Variants in ZFP36L1 observed in about 807,000 individuals in gnomAD.
ZFP36L1 encodes the protein mRNA decay activator protein ZFP36L1.
ZFP36L1 carries 4 observed loss-of-function variants against 16.7 expected under a neutral mutation model. That is an observed-to-expected ratio of 0.24 (90% CI 0.12 to 0.55). ZFP36L1 has a LOEUF of 0.55. Ranked by LOEUF, ZFP36L1 falls within the 20% of genes least tolerant of loss-of-function variation. The pLI, the probability that ZFP36L1 is intolerant of heterozygous loss-of-function variation, is 0.94. For missense variants in ZFP36L1, 311 were observed against 449.2 expected, an observed-to-expected ratio of 0.69 and a Z score of 2.78; for synonymous variants, 220 against 190.8, an observed-to-expected ratio of 1.15 and a Z score of -1.26.
upstream of ZFP36L1, chr14:68,795,894 G>T (rs1895240715): frequency 6.2e-6 from 5 of 803,542 alleles, no homozygotes; most frequent in Non-Finnish European, 9.9e-6. Flanking sequence ...GGGCCCGAGG[G>T]CGGGAGCCGA....
At chr14:68,792,630 C>G (rs1895123704) in intron 1 of ZFP36L1, among the ~76,000 whole-genome samples, 3 of 152,234 alleles carry the variant, frequency 2.0e-5, no homozygotes, top group Admixed American at 1.3e-4. Flanking sequence ...GGCTGCCCTG[C>G]CAGGCAAACT....
chr14:68,789,381 A>C lies in ZFP36L1; in HGVS notation c.*152T>G. The C allele has an allele frequency of 8.7e-7, 1 of 1,145,830 alleles. No individual in the cohort carries two copies. Among genetic ancestry groups the C allele is most frequent in the Non-Finnish European group, 1.2e-6 (1 of 817,582 alleles). The allele number at this position is 1,145,830 out of a possible 1,614,324, so 71.0% of individuals were successfully genotyped here. A position where few individuals can be genotyped will look rare whatever the true frequency, so the allele number is the denominator to read the frequency against. ...AGGTGGGGTTATGAGGGGGAGAGGG[A>C]GGGCACATTCTGAGGTGCTGGGGGA... On this transcript the variant is annotated 3_prime_UTR_variant, in exon 2 of 2. Transcript: ENST00000439696. This position sits in a 1 kb window ranked among gnomAD's most constrained non-coding sequence, Gnocchi z 4.5.
intron 1 of ZFP36L1, among the ~76,000 whole-genome samples, chr14:68,790,826 A>G (rs931807680): frequency 1.3e-5 from 2 of 152,042 alleles, no homozygotes; most frequent in African/African-American, 4.8e-5. Context: ...TCAACTCAAA[A>G]TATCTCACAC....
In ZFP36L1 at chr14:68,789,869, G is replaced by A. The variant is rs755097253; in HGVS notation, c.681C>T (p.Thr227=). 16 of 1,610,522 alleles carry A rather than the reference G, an allele frequency of 9.9e-6. No individual in the cohort carries two copies. The highest frequency in any genetic ancestry group is 1.4e-5 in the Non-Finnish European group (16 of 1,180,004). Residue 227 remains threonine, a synonymous_variant, in exon 2 of 2, where the codon ACC becomes ACT. Transcript: ENST00000439696. This position sits in a 1 kb window ranked among gnomAD's most constrained non-coding sequence, Gnocchi z 4.5. The stretch of plus-strand genomic sequence containing the variant: ...CATCGGCGCTCAGAATAGGGGGTGG[G>A]GTGATGGACGTGGGGCTGTCCAGCA... ...TGLLDSPTSI[T]PPPILSADDL...
upstream of ZFP36L1, chr14:68,795,836 G>A (rs1445432714): frequency 9.2e-6 from 5 of 541,548 alleles, no homozygotes; most frequent in Non-Finnish European, 1.5e-5. Flanking sequence ...CGAGAGGAGG[G>A]AGCGAGTCCC....
intron 1 of ZFP36L1, chr14:68,790,924 GCTAC>G: frequency 1.7e-6 from 1 of 603,930 alleles, no homozygotes; most frequent in Non-Finnish European, 3.0e-6. Context: ...TCTATCATAG[GCTAC>G]GTTAGGTCCC....
upstream of ZFP36L1, chr14:68,793,131 C>T: frequency 3.2e-6 from 4 of 1,259,008 alleles, no homozygotes; most frequent in South Asian, 1.4e-5. Context: ...GGAGGAGGAG[C>T]TTTAAACTTA....
intron 1 of ZFP36L1, chr14:68,791,199 C>A: frequency 1.7e-6 from 1 of 586,010 alleles, no homozygotes; most frequent in Non-Finnish European, 3.1e-6. Flanking sequence ...TCCACTCAGC[C>A]CTAGCCCACC....
At chr14:68,794,900 T>TC (rs1895207806), upstream of ZFP36L1, among the ~76,000 whole-genome samples, 2 of 152,312 alleles carry the variant, frequency 1.3e-5, no homozygotes, top group South Asian at 4.1e-4. Flanking sequence ...GGGTCGGCTT[T>TC]CATTTGTCTC....
rs202040968 is a variant in ZFP36L1 at position 68,789,746 on chromosome 14, C to T, written c.804G>A (p.Leu268=). 2 of 1,614,060 alleles carry T rather than the reference C, an allele frequency of 1.2e-6. No homozygotes were observed. Among genetic ancestry groups the T allele is most frequent in the African/African-American group, 1.3e-5 (1 of 75,030 alleles). The stretch of plus-strand genomic sequence containing the variant: ...AGGTGGTCGGGGAGCCACCCCCGGG[C>T]AGCCCCATGCTAGGGGCAAAGAGGC... ...LASLFAPSMG[L]PGGGSPTTFL... Residue 268 remains leucine (L), a synonymous_variant, in exon 2 of 2, where the codon CTG becomes CTA. Coordinates refer to ENST00000439696, the MANE Select transcript of ZFP36L1 (RefSeq NM_004926.4). This position sits in a 1 kb window ranked among gnomAD's most constrained non-coding sequence, Gnocchi z 4.5.
At chr14:68,793,965 G>C (rs895436785), upstream of ZFP36L1, 1 of 980,012 alleles carries the variant, frequency 1.0e-6, no homozygotes, top group Non-Finnish European at 1.2e-6. Context: ...AACCCGGGAC[G>C]ATTGTTTGTT....
At chr14:68,792,701 C>G (rs1895128298) in intron 1 of ZFP36L1, among the ~76,000 whole-genome samples, 181 bp downstream of exon 1, 3 of 152,280 alleles carry the variant, frequency 2.0e-5, no homozygotes, top group Admixed American at 2.0e-4. Context: ...ACTGTTGAAA[C>G]TCAAAGGGTG....
intron 1 of ZFP36L1, among the ~76,000 whole-genome samples, chr14:68,792,055 G>A (rs1394260531): frequency 6.6e-6 from 1 of 152,202 alleles, no homozygotes; most frequent in South Asian, 2.1e-4. Context: ...TTAAACCGCA[G>A]TCCTGGAACA....
chr14:68,789,778 G>T lies in ZFP36L1; in HGVS notation c.772C>A (p.Leu258Met). The change falls in exon 2 of 2, where the codon CTG becomes ATG. Residue 258 changes from leucine (L) to methionine (M), a missense_variant. This residue lies in a region of ZFP36L1 where 147 missense variants were observed against 192.0 expected (regional missense o/e 0.77). Transcript: ENST00000439696. This position sits in a 1 kb window ranked among gnomAD's most constrained non-coding sequence, Gnocchi z 4.5. ...NNPFAFSSQELASLFAPSMGL... is the reference protein window; with the variant it reads ...NNPFAFSSQEMASLFAPSMGL... ...ATGCTAGGGGCAAAGAGGCTTGCCA[G>T]CTCCTGGCTGGAGAAGGCAAAAGGG... 2 of 1,613,860 alleles carry T rather than the reference G, an allele frequency of 1.2e-6. No homozygotes were observed. The highest frequency in any genetic ancestry group is 1.7e-6 in the Non-Finnish European group (2 of 1,179,998).
upstream of ZFP36L1, chr14:68,793,959 C>T: frequency 5.1e-6 from 5 of 982,494 alleles, no homozygotes; most frequent in Non-Finnish European, 6.0e-6. Flanking sequence ...GACCACAACC[C>T]GGGACGATTG....
chr14:68,792,313 G>A (rs1895102313), intron 1 of ZFP36L1, among the ~76,000 whole-genome samples: 1 of 151,926 alleles, frequency 6.6e-6, no homozygotes, highest in South Asian at 2.1e-4. Flanking sequence ...GAAGCCCAAC[G>A]GAGCTAGGGC....
Position 68,790,456 on chromosome 14 carries a change from C to A in ZFP36L1, c.94G>T (p.Gly32Trp). 1 of 1,614,096 alleles carries A rather than the reference C, an allele frequency of 6.2e-7. No homozygotes were observed. The highest frequency in any genetic ancestry group is 8.5e-7 in the Non-Finnish European group (1 of 1,179,974). ...GCCTTTCTGTCCAGCAGGCAACCCC[C>A]TGCACTGGGAGCACTATAGTTGAGC... is the stretch of plus-strand genomic sequence containing the variant. ...KMLNYSAPSAGGCLLDRKAVG... is the reference protein window; with the variant it reads ...KMLNYSAPSAWGCLLDRKAVG... The change falls in exon 2 of 2, where the codon GGG becomes TGG. Residue 32 changes from glycine to tryptophan, a missense_variant. Transcript: ENST00000439696.
In ZFP36L1 at chr14:68,790,264, C is replaced by T. The variant is rs761701218; in HGVS notation, c.286G>A (p.Glu96Lys). 1 of 1,610,702 alleles carries T rather than the reference C, an allele frequency of 6.2e-7. No individual in the cohort carries two copies. The change falls in exon 2 of 2, where the codon GAG becomes AAG. Residue 96 changes from glutamate (E) to lysine (K), a missense_variant. Coordinates refer to ENST00000439696, the MANE Select transcript of ZFP36L1 (RefSeq NM_004926.4). The stretch of plus-strand genomic sequence containing the variant: ...TGCTTCTGGGTGGGCAGCAGCCGCT[C>T]GCCCCCTTCCGAGAAGGAGCGGTCT... The part of the protein sequence containing the change: ...FRDRSFSEGG[E>K]RLLPTQKQPG...
intron 1 of ZFP36L1, among the ~76,000 whole-genome samples, chr14:68,791,963 C>G (rs1174908851): frequency 6.6e-6 from 1 of 152,168 alleles, no homozygotes; most frequent in African/African-American, 2.4e-5. Flanking sequence ...TAAAAAGTAG[C>G]CCAGCAGCTT....
Sources: gnomAD v4.1 joint callset for allele counts (sites outside exome capture counted in the v4.1 genomes callset) on GRCh38, gnomAD v4.1.1 for gene constraint, gnomAD v4.1.1 regional missense constraint, Gnocchi (gnomAD v3.1) non-coding constraint, MANE v1.5 for transcripts, NCBI Gene and HGNC (gene_info 2026-07-23, HGNC 2026-07-21) for gene names.